The following NTM variants were observed in gnomAD, a reference collection of about 807,000 sequenced individuals.
NTM encodes the protein neurotrimin.
NTM carries 13 observed loss-of-function variants against 42.1 expected under a neutral mutation model. The ratio of observed to expected loss-of-function variants is 0.31; its 90% CI spans 0.20 to 0.49. NTM has a LOEUF of 0.49. Among genes scored for constraint, NTM ranks in the 20% least tolerant of loss-of-function variants. The pLI, the probability that NTM is intolerant of heterozygous loss-of-function variation, is 0.99. For missense variants in NTM, 373 were observed against 452.8 expected (o/e 0.82, Z 1.60); for synonymous variants, 187 against 179.2 (o/e 1.04, Z -0.35).
intron 3 of NTM, among the ~76,000 whole-genome samples, chr11:132,158,772 A>T (rs533915883): frequency 6.6e-6 from 1 of 152,224 alleles, no homozygotes; most frequent in Non-Finnish European, 1.5e-5. Context: ...CTCTAGTCTC[A>T]GACCAGGTGA....
intron 1 of NTM, among the ~76,000 whole-genome samples, chr11:131,679,466 A>C (rs2072027910): frequency 6.6e-6 from 1 of 152,170 alleles, no homozygotes; most frequent in African/African-American, 2.4e-5. Flanking sequence ...TCTGGGCTCC[A>C]CAAGATAGGC....
intron 4 of NTM, chr11:132,306,507 T>A (rs2095086378): frequency 6.6e-6 from 1 of 151,992 alleles, no homozygotes; most frequent in South Asian, 2.1e-4. Context: ...CTTTCGTGCA[T>A]GTGTGTGTGT....
At chr11:131,760,755 G>C (rs1482527665) in intron 1 of NTM, among the ~76,000 whole-genome samples, 2 of 152,214 alleles carry the variant, frequency 1.3e-5, no homozygotes, top group Non-Finnish European at 2.9e-5. Flanking sequence ...GAAGTGAGAC[G>C]AGGAGGAGCC....
At chr11:132,281,600 T>TA (rs1207515107) in intron 4 of NTM, among the ~76,000 whole-genome samples, 1 of 152,192 alleles carries the variant, frequency 6.6e-6, no homozygotes, top group Non-Finnish European at 1.5e-5. Flanking sequence ...AATAGATATC[T>TA]AAAAATACAG....
intron 1 of NTM, among the ~76,000 whole-genome samples, chr11:131,584,991 A>AG (rs1178733840): frequency 1.4e-5 from 2 of 146,290 alleles, no homozygotes; most frequent in Non-Finnish European, 3.0e-5. Context: ...TGAGAGGCCA[A>AG]GGGGGGTGCA....
chr11:132,162,495 G>A (rs1255915130), intron 3 of NTM, among the ~76,000 whole-genome samples: 1 of 146,138 alleles, frequency 6.8e-6, no homozygotes. Context: ...GATGGGGGGA[G>A]TGTGGATGTG....
At chr11:132,184,854 C>G in intron 3 of NTM, among the ~76,000 whole-genome samples, 1 of 152,190 alleles carries the variant, frequency 6.6e-6, no homozygotes, top group East Asian at 1.9e-4. Context: ...TCATTGTGAA[C>G]CTATGCTACG....
intron 1 of NTM, among the ~76,000 whole-genome samples, chr11:131,839,984 CTG>C (rs1206388757): frequency 6.6e-6 from 1 of 152,182 alleles, no homozygotes; most frequent in African/African-American, 2.4e-5. Flanking sequence ...ACCTGGACAA[CTG>C]GAGGATGGAC....
chr11:132,002,655 C>T lies in NTM; in HGVS notation c.167+91007C>T, dbSNP rs1160474385. On this transcript the variant is annotated intron_variant, in intron 2 of 8. Coordinates refer to ENST00000683400, the MANE Select transcript of NTM (RefSeq NM_001352005.2). This position sits in a 1 kb window ranked among gnomAD's most constrained non-coding sequence, Gnocchi z 4.5. ...TTTTCTTTTTCTCTTAGTATCCATG[C>T]TTCTCCTGAATCATTCCTCTCGTTA... Among the ~76,000 whole-genome samples, 1 of 152,182 alleles carries T rather than the reference C, an allele frequency of 6.6e-6. No individual in the cohort carries two copies. The highest frequency in any genetic ancestry group is 2.4e-5 in the African/African-American group (1 of 41,444).
intron 1 of NTM, among the ~76,000 whole-genome samples, chr11:131,698,509 G>A (rs1248734012): frequency 1.3e-5 from 2 of 152,072 alleles, no homozygotes; most frequent in Non-Finnish European, 2.9e-5. Flanking sequence ...GGCAGATGCT[G>A]TAATTATTCC....
intron 1 of NTM, among the ~76,000 whole-genome samples, chr11:131,808,368 T>A (rs2092601465): frequency 6.6e-6 from 1 of 152,202 alleles, no homozygotes; most frequent in Non-Finnish European, 1.5e-5. Flanking sequence ...GGATTCATTT[T>A]CCTTCATTAA....
chr11:131,597,819 C>A (rs376902245), intron 1 of NTM, among the ~76,000 whole-genome samples: 10 of 152,158 alleles, frequency 6.6e-5, no homozygotes, highest in African/African-American at 1.9e-4. Context: ...TCTTTATTAT[C>A]TTTGTTAAGC....
chr11:132,070,983 A>C (rs368585155), intron 2 of NTM, among the ~76,000 whole-genome samples: 2 of 137,194 alleles, frequency 1.5e-5, no homozygotes, highest in African/African-American at 2.8e-5. Context: ...AACACGTCAC[A>C]CAGCCAAGTT....
intron 1 of NTM, chr11:131,660,791 T>G (rs1592411013): frequency 8.9e-7 from 1 of 1,126,018 alleles, no homozygotes; most frequent in Non-Finnish European, 1.1e-6. Flanking sequence ...AACTCCTGAG[T>G]TTCATTAAAT....
chr11:132,119,945 A>T (rs188494226), intron 2 of NTM, among the ~76,000 whole-genome samples: 1 of 152,190 alleles, frequency 6.6e-6, no homozygotes, highest in African/African-American at 2.4e-5. Context: ...CACGCTATAT[A>T]AAGAGTATAT....
chr11:132,077,476 T>A (rs2058515310), intron 2 of NTM, among the ~76,000 whole-genome samples: 1 of 152,188 alleles, frequency 6.6e-6, no homozygotes, highest in Non-Finnish European at 1.5e-5. Context: ...AGCCAGGAAC[T>A]GGGAAGTGTG....
At chr11:131,747,705 A>T (rs2081990007) in intron 1 of NTM, among the ~76,000 whole-genome samples, 1 of 152,176 alleles carries the variant, frequency 6.6e-6, no homozygotes, top group Non-Finnish European at 1.5e-5. Context: ...ATGACTTCTT[A>T]AATGTCTGCC....
At chr11:132,229,165 G>A (rs1238631705) in intron 4 of NTM, among the ~76,000 whole-genome samples, 2 of 152,100 alleles carry the variant, frequency 1.3e-5, no homozygotes, top group Non-Finnish European at 2.9e-5. Context: ...ACGGTAGCTT[G>A]GCTATGTTCC....
chr11:131,845,002 G>A (rs922916934), intron 1 of NTM, among the ~76,000 whole-genome samples: 13 of 152,132 alleles, frequency 8.5e-5, no homozygotes, highest in African/African-American at 3.1e-4. Context: ...ATGAAGCAGT[G>A]CAAATAAGCA....
Sources: gnomAD v4.1 joint callset for allele counts (sites outside exome capture counted in the v4.1 genomes callset) on GRCh38, gnomAD v4.1.1 for gene constraint, Gnocchi (gnomAD v3.1) non-coding constraint, MANE v1.5 for transcripts, NCBI Gene and HGNC (gene_info 2026-07-23, HGNC 2026-07-21) for gene names.